PTPRD: variants seen among roughly 807,000 people sequenced by gnomAD.
PTPRD encodes the protein protein tyrosine phosphatase receptor type D.
Under a neutral mutation model 214.5 loss-of-function variants are expected in PTPRD, and 34 were observed. The ratio of observed to expected loss-of-function variants is 0.16; its 90% CI spans 0.12 to 0.21. PTPRD has a LOEUF of 0.21. Ranked by LOEUF, PTPRD falls within the 10% of genes least tolerant of loss-of-function variation. The pLI, the probability that PTPRD is intolerant of heterozygous loss-of-function variation, is 1.00. For synonymous variants in PTPRD, 1,128 were observed against 845.7 expected (o/e 1.33, Z -5.79); for missense variants, 2,545 against 2,398.7 (o/e 1.06, Z -1.27).
chr9:10,029,495 T>A (rs1014883124), intron 4 of PTPRD, among the ~76,000 whole-genome samples: 1 of 152,192 alleles, frequency 6.6e-6, no homozygotes. Flanking sequence ...ATCTTTTCCA[T>A]CAGCATGACC....
At chr9:10,091,622 A>C (rs2098432495) in intron 3 of PTPRD, among the ~76,000 whole-genome samples, 1 of 151,544 alleles carries the variant, frequency 6.6e-6, no homozygotes, top group Admixed American at 6.6e-5. Flanking sequence ...CTGCATGTCA[A>C]TTAAACGACA....
chr9:8,534,471 C>A (rs981533916), intron 14 of PTPRD, among the ~76,000 whole-genome samples: 5 of 151,770 alleles, frequency 3.3e-5, no homozygotes, highest in Non-Finnish European at 4.4e-5. Flanking sequence ...GGATATCTTA[C>A]GGTTTGAGTC....
chr9:9,217,066 G>C (rs2099952769), intron 9 of PTPRD, among the ~76,000 whole-genome samples: 2 of 152,010 alleles, frequency 1.3e-5, no homozygotes, highest in Non-Finnish European at 2.9e-5. Context: ...TAATCCTTAA[G>C]ACTAGTCAGA....
chr9:8,341,134 T>C lies in PTPRD; in HGVS notation c.5082A>G (p.Val1694=). The C allele has an allele frequency of 6.2e-7, 1 of 1,613,056 alleles. No individual in the cohort carries two copies. Among genetic ancestry groups the C allele is most frequent in the Non-Finnish European group, 8.5e-7 (1 of 1,179,386 alleles). ...TRVCLQPIRG[V]EGSDYINASF... ...TGGCATTGATGTAATCAGATCCTTC[T>C]ACTCCACGGATAGGCTGCAGGCATA... Residue 1694 remains valine, a synonymous_variant, in exon 41 of 46, where the codon GTA becomes GTG. Coordinates refer to ENST00000381196, the MANE Select transcript of PTPRD (RefSeq NM_002839.4).
intron 3 of PTPRD, among the ~76,000 whole-genome samples, chr9:10,167,234 G>GT (rs1312454330): frequency 1.3e-5 from 2 of 151,696 alleles, no homozygotes; most frequent in African/African-American, 4.8e-5. Flanking sequence ...GTCTTCTCTA[G>GT]TAATAGTGGA....
chr9:9,705,727 A>G (rs969738106), intron 7 of PTPRD, among the ~76,000 whole-genome samples: 1 of 152,198 alleles, frequency 6.6e-6, no homozygotes, highest in Non-Finnish European at 1.5e-5. Context: ...TTGTCATACT[A>G]ATGTACAAAA....
At chr9:9,882,382 A>G (rs904398277) in intron 5 of PTPRD, among the ~76,000 whole-genome samples, 1 of 152,014 alleles carries the variant, frequency 6.6e-6, no homozygotes, top group Admixed American at 6.6e-5. Flanking sequence ...TATTTGGCCA[A>G]CGCTTGGTCA....
chr9:10,059,895 A>G (rs1257062349), intron 3 of PTPRD, among the ~76,000 whole-genome samples: 2 of 152,092 alleles, frequency 1.3e-5, no homozygotes, highest in Non-Finnish European at 2.9e-5. Flanking sequence ...TGGAATGACA[A>G]TGGCAAAAAT....
intron 12 of PTPRD, among the ~76,000 whole-genome samples, chr9:8,695,018 G>A (rs1484788729): frequency 1.3e-5 from 2 of 152,092 alleles, no homozygotes. Context: ...CTGAGGGAGG[G>A]TGATTTATTC....
At chr9:9,019,317 A>AAAGAAAGAAAGAAAGGAAGG (rs1554629349) in intron 10 of PTPRD, among the ~76,000 whole-genome samples, 1 of 116,850 alleles carries the variant, frequency 8.6e-6, no homozygotes, top group Non-Finnish European at 1.7e-5. Context: ...AGAAAGAAAG[A>AAAGAAAGAAAGAAAGGAAGG]AAGAAAGAAA....
At chr9:8,846,105 A>G (rs1174254641) in intron 11 of PTPRD, among the ~76,000 whole-genome samples, 2 of 152,226 alleles carry the variant, frequency 1.3e-5, no homozygotes, top group Non-Finnish European at 2.9e-5. Flanking sequence ...GAGTAGATAC[A>G]CACACTCTAC....
chr9:10,243,010 T>C (rs934950595), intron 3 of PTPRD, among the ~76,000 whole-genome samples: 2 of 151,910 alleles, frequency 1.3e-5, no homozygotes, highest in African/African-American at 4.8e-5. Context: ...TAACAGTTCA[T>C]ACACATTTCT....
intron 3 of PTPRD, among the ~76,000 whole-genome samples, chr9:10,122,235 G>C (rs1334189717): frequency 6.6e-6 from 1 of 152,156 alleles, no homozygotes; most frequent in Non-Finnish European, 1.5e-5. Flanking sequence ...TTGAACCTGG[G>C]AGGTGGAGGC....
At chr9:8,789,280 C>G (rs181414335) in intron 11 of PTPRD, among the ~76,000 whole-genome samples, 2 of 152,242 alleles carry the variant, frequency 1.3e-5, no homozygotes, top group Non-Finnish European at 2.9e-5. Context: ...CAGAAGCCAC[C>G]ATAGCTGATT....
At chr9:8,472,879 C>T (rs985079166) in intron 30 of PTPRD, among the ~76,000 whole-genome samples, 9 of 152,050 alleles carry the variant, frequency 5.9e-5, no homozygotes, top group Admixed American at 2.6e-4. Context: ...GGAGTTTGGG[C>T]TGATCTTTGG....
intron 11 of PTPRD, among the ~76,000 whole-genome samples, chr9:8,812,138 A>C (rs1457393069): frequency 6.6e-6 from 1 of 152,226 alleles, no homozygotes; most frequent in African/African-American, 2.4e-5. Context: ...CATTAGGGAA[A>C]GCTAAATGTA....
intron 11 of PTPRD, among the ~76,000 whole-genome samples, chr9:8,869,681 G>A (rs909316034): frequency 1.3e-5 from 2 of 151,500 alleles, no homozygotes; most frequent in Non-Finnish European, 2.9e-5. Flanking sequence ...TAAGAAGCTA[G>A]CGGCCTTTTT....
intron 8 of PTPRD, among the ~76,000 whole-genome samples, chr9:9,482,199 AT>A (rs1199063940): frequency 1.8e-4 from 28 of 152,132 alleles, no homozygotes; most frequent in African/African-American, 6.5e-4. Flanking sequence ...TAGACACAAA[AT>A]TTTAATAAGA....
At chr9:10,516,052 T>C (rs1235623851) in intron 2 of PTPRD, among the ~76,000 whole-genome samples, 2 of 151,974 alleles carry the variant, frequency 1.3e-5, no homozygotes, top group Admixed American at 1.3e-4. Context: ...GCTAATATCT[T>C]TTTTAAGATA....
Sources: gnomAD v4.1 joint callset for allele counts (sites outside exome capture counted in the v4.1 genomes callset) on GRCh38, gnomAD v4.1.1 for gene constraint, MANE v1.5 for transcripts, NCBI Gene and HGNC (gene_info 2026-07-23, HGNC 2026-07-21) for gene names.